Variants in SCMH1 observed in about 807,000 individuals in gnomAD.
SCMH1 encodes polycomb protein SCMH1.
In SCMH1, 37 loss-of-function variants were observed where a neutral mutation model predicts 70.8. That is an observed-to-expected ratio of 0.52 (90% CI 0.40 to 0.69). SCMH1 has a LOEUF of 0.69. Ranked by LOEUF, SCMH1 falls within the 30% of genes least tolerant of loss-of-function variation. The pLI, the probability that SCMH1 is intolerant of heterozygous loss-of-function variation, is 0.00. For missense variants in SCMH1, 607 were observed against 827.3 expected (o/e 0.73, Z 3.27); for synonymous variants, 292 against 307.4 (o/e 0.95, Z 0.52).
intron 8 of SCMH1, among the ~76,000 whole-genome samples, chr1:41,104,008 A>G (rs1260857395): frequency 6.6e-6 from 1 of 152,172 alleles, no homozygotes; most frequent in Non-Finnish European, 1.5e-5. Flanking sequence ...CAGAAGCCTC[A>G]TCTCATATTT....
chr1:41,088,330 T>A (rs1175442381), intron 8 of SCMH1, among the ~76,000 whole-genome samples: 4 of 152,208 alleles, frequency 2.6e-5, no homozygotes, highest in Non-Finnish European at 5.9e-5. Flanking sequence ...ATACTTCTCT[T>A]AGTAAATGTT....
intron 10 of SCMH1, among the ~76,000 whole-genome samples, chr1:41,058,543 G>C (rs1034064085): frequency 1.3e-5 from 2 of 152,028 alleles, no homozygotes; most frequent in African/African-American, 4.8e-5. Context: ...ACCACACCTG[G>C]CTAATTCTTT....
chr1:41,220,152 T>C (rs1658956142), intron 1 of SCMH1, among the ~76,000 whole-genome samples: 1 of 152,172 alleles, frequency 6.6e-6, no homozygotes, highest in Non-Finnish European at 1.5e-5. Context: ...TTGCCAGGTA[T>C]TTGGGGATTG....
chr1:41,048,541 G>A, intron 11 of SCMH1, 149 bp downstream of exon 11: 1 of 703,238 alleles, frequency 1.4e-6, no homozygotes, highest in Non-Finnish European at 2.4e-6. Flanking sequence ...AGGGGCTCTT[G>A]GGGGGTTGGA....
intron 8 of SCMH1, among the ~76,000 whole-genome samples, chr1:41,090,921 C>A (rs1365040506): frequency 6.6e-6 from 1 of 151,488 alleles, no homozygotes; most frequent in South Asian, 2.1e-4. Context: ...TGCCTGTAGT[C>A]GCAGCTACTT....
intron 2 of SCMH1, among the ~76,000 whole-genome samples, chr1:41,162,135 G>A (rs1321986428): frequency 1.3e-5 from 2 of 152,104 alleles, no homozygotes; most frequent in Non-Finnish European, 2.9e-5. Context: ...GGGCACAGCT[G>A]CAGCCACCCA....
At chr1:41,132,021 T>C (rs1642403420) in intron 6 of SCMH1, among the ~76,000 whole-genome samples, 1 of 152,204 alleles carries the variant, frequency 6.6e-6, no homozygotes. Flanking sequence ...TGTGCATGTG[T>C]CTTTATAGTA....
intron 11 of SCMH1, among the ~76,000 whole-genome samples, chr1:41,048,300 C>G (rs780369420): frequency 6.6e-6 from 1 of 152,178 alleles, no homozygotes; most frequent in Non-Finnish European, 1.5e-5. Context: ...GACGAGGAAG[C>G]TAAGGAATCA....
intron 8 of SCMH1, among the ~76,000 whole-genome samples, chr1:41,078,114 A>C (rs1223129608): frequency 1.3e-5 from 2 of 152,162 alleles, no homozygotes; most frequent in Non-Finnish European, 2.9e-5. Flanking sequence ...ATTAGGAATA[A>C]CTCATTGCAT....
At chr1:41,126,156 A>C (rs1438751406) in intron 6 of SCMH1, among the ~76,000 whole-genome samples, 1 of 152,156 alleles carries the variant, frequency 6.6e-6, no homozygotes, top group African/African-American at 2.4e-5. Flanking sequence ...AATATCTGCA[A>C]ATTAGTCTCA....
At chr1:41,141,511 A>G (rs756558545) in intron 6 of SCMH1, among the ~76,000 whole-genome samples, 1 of 152,252 alleles carries the variant, frequency 6.6e-6, no homozygotes, top group Non-Finnish European at 1.5e-5. Flanking sequence ...ATAGAAATAA[A>G]TATCACCAGC....
In SCMH1 at chr1:41,075,397, C is replaced by T. The variant is rs758636160; in HGVS notation, c.800G>A (p.Ser267Asn). The stretch of plus-strand genomic sequence containing the variant: ...GACAGTTTTGGTGCTGCTGTGGATG[C>T]TGGGCTTCTCAGTATTCACATCGGA... The change falls in exon 9 of 15, where the codon AGC becomes AAC. Residue 267 changes from serine to asparagine, a missense_variant. Physicochemically the swap from Ser to Asn is conservative, Grantham distance 46. Transcript: ENST00000337495. 1.9e-6 allele frequency: 3 copies of T among 1,614,096 alleles called. No individual in the cohort carries two copies. The South Asian group carries it at 3.3e-5, about 18-fold the overall frequency.
chr1:41,029,823 A>C (rs942978346), intron 13 of SCMH1, among the ~76,000 whole-genome samples: 17 of 152,186 alleles, frequency 1.1e-4, no homozygotes, highest in Admixed American at 9.8e-4. Context: ...CAAAGTATTT[A>C]GTATATTCTT....
chr1:41,162,336 T>C (rs1572742226), intron 2 of SCMH1, among the ~76,000 whole-genome samples: 1 of 152,132 alleles, frequency 6.6e-6, no homozygotes. Flanking sequence ...GATAGGTTCC[T>C]AAGCAGAAAA....
intron 1 of SCMH1, among the ~76,000 whole-genome samples, chr1:41,217,445 A>G (rs1573153472): frequency 6.6e-6 from 1 of 152,222 alleles, no homozygotes; most frequent in East Asian, 1.9e-4. Context: ...GTAATTTAGA[A>G]AATTCTCTGC....
intron 2 of SCMH1, among the ~76,000 whole-genome samples, chr1:41,184,395 A>T (rs1465336244): frequency 2.0e-5 from 3 of 152,224 alleles, no homozygotes; most frequent in African/African-American, 7.2e-5. Context: ...CCACAAAGGG[A>T]GTAAATCTGA....
chr1:41,167,590 G>A (rs1646491113), intron 2 of SCMH1, among the ~76,000 whole-genome samples: 1 of 152,124 alleles, frequency 6.6e-6, no homozygotes, highest in South Asian at 2.1e-4. Context: ...TTGTGATTCA[G>A]TCTTGGTAAG....
chr1:41,209,405 C>G (rs1656445821), intron 1 of SCMH1, among the ~76,000 whole-genome samples: 1 of 152,100 alleles, frequency 6.6e-6, no homozygotes, highest in African/African-American at 2.4e-5. Context: ...CTGGCAGAGA[C>G]ACAACAAAAA....
At chr1:41,241,244 T>C (rs575219639) in intron 1 of SCMH1, among the ~76,000 whole-genome samples, 4 of 152,344 alleles carry the variant, frequency 2.6e-5, no homozygotes, top group Non-Finnish European at 5.9e-5. Flanking sequence ...AGATGACTTT[T>C]AAATTCTCTT....
Sources: allele counts gnomAD v4.1 joint callset (sites outside exome capture counted in the v4.1 genomes callset), GRCh38; gene constraint gnomAD v4.1.1; transcripts MANE v1.5; gene names NCBI Gene and HGNC (gene_info 2026-07-23, HGNC 2026-07-21).